Variants in UGT1A8 observed in about 807,000 individuals in gnomAD.
UGT1A8 encodes the protein UDP-glucuronosyltransferase 1A8.
In UGT1A8, 39 loss-of-function variants were observed where a neutral mutation model predicts 45.3. The observed-to-expected ratio is 0.86, with a 90% CI of 0.67 to 1.12. The LOEUF is 1.12. UGT1A8 is among the 50% of genes most tolerant of loss of function. The pLI is 0.00. For missense variants in UGT1A8, 719 were observed against 664.9 expected (o/e 1.08, Z -0.90); for synonymous variants, 275 against 249.2 (o/e 1.10, Z -0.97).
At chr2:233,636,895 A>G (rs1281770276) in intron 1 of UGT1A8, 7 of 1,614,044 alleles carry the variant, frequency 4.3e-6, no homozygotes, top group African/African-American at 1.3e-5. Context: ...TTCGCATTGC[A>G]GGAGTTTGTT....
intron 1 of UGT1A8, among the ~76,000 whole-genome samples, chr2:233,697,309 ATTGT>A (rs1228045255): frequency 2.0e-5 from 3 of 151,956 alleles, no homozygotes; most frequent in Admixed American, 6.6e-5. Context: ...ATCTTGGTAG[ATTGT>A]TTGTGTTTGG....
intron 1 of UGT1A8, chr2:233,681,781 T>C (rs1344612316): frequency 1.1e-6 from 1 of 931,366 alleles, no homozygotes. Flanking sequence ...TCATGTATTA[T>C]TATGAGTAAA....
At chr2:233,764,775 G>T (rs1470259138) in intron 1 of UGT1A8, among the ~76,000 whole-genome samples, 1 of 152,162 alleles carries the variant, frequency 6.6e-6, no homozygotes, top group Non-Finnish European at 1.5e-5. Flanking sequence ...AAGGAGTTCA[G>T]AAAAACCATC....
chr2:233,712,280 C>T (rs1176719433), intron 1 of UGT1A8, among the ~76,000 whole-genome samples: 1 of 152,208 alleles, frequency 6.6e-6, no homozygotes, highest in African/African-American at 2.4e-5. Context: ...ACAGCAGCAC[C>T]TCTTCTTCCA....
intron 4 of UGT1A8, among the ~76,000 whole-genome samples, chr2:233,768,711 T>G (rs2126041058): frequency 6.6e-6 from 1 of 151,246 alleles, no homozygotes; most frequent in South Asian, 2.1e-4. Flanking sequence ...AGCCTCCGTG[T>G]AGCTGGGATT....
chr2:233,682,697 C>G lies in UGT1A8; in HGVS notation c.855+64135C>G, dbSNP rs201879946. ...CAGCCACACATCAATTTGGTTGTTG[C>G]GAACTGACTTTGTTTTGGAGTATCC... On this transcript the variant is annotated intron_variant, in intron 1 of 4. Transcript: ENST00000373450. 3 of 1,613,832 alleles carry G rather than the reference C, an allele frequency of 1.9e-6. No homozygotes were observed. In the South Asian group the frequency reaches 3.3e-5, roughly 18 times the overall value.
intron 1 of UGT1A8, among the ~76,000 whole-genome samples, chr2:233,735,584 T>C (rs2078671129): frequency 6.6e-6 from 1 of 152,234 alleles, no homozygotes; most frequent in Admixed American, 6.5e-5. Context: ...GCCCGTTAAT[T>C]GATGCAGTTT....
intron 1 of UGT1A8, among the ~76,000 whole-genome samples, chr2:233,652,019 G>A (rs530712220): frequency 6.6e-6 from 1 of 152,184 alleles, no homozygotes; most frequent in Non-Finnish European, 1.5e-5. Context: ...TCACTGCCAG[G>A]CTTTTTTAGT....
At chr2:233,685,907 C>T (rs973279226) in intron 1 of UGT1A8, among the ~76,000 whole-genome samples, 1 of 152,152 alleles carries the variant, frequency 6.6e-6, no homozygotes, top group Non-Finnish European at 1.5e-5. Context: ...CATTTTCAAT[C>T]CATCATTAAA....
rs765390164 is a variant in UGT1A8 at position 233,768,290 on chromosome 2, C to T, written c.1146C>T (p.Gly382=). ...SHGVYESICN[G]VPMVMMPLFG... is the part of the protein sequence containing the mutation. Reference sequence around the variant, plus strand: ...GTGTTTATGAAAGCATATGCAATGGCGTTCCCATGGTGATGATGCCCTTGT... The same window carrying T: ...GTGTTTATGAAAGCATATGCAATGGTGTTCCCATGGTGATGATGCCCTTGT... Residue 382 remains glycine, a synonymous_variant, in exon 4 of 5, where the codon GGC becomes GGT. Coordinates refer to ENST00000373450, the MANE Select transcript of UGT1A8 (RefSeq NM_019076.5). The T allele has an allele frequency of 5.0e-6, 8 of 1,614,064 alleles. No individual in the cohort carries two copies. Among genetic ancestry groups the T allele is most frequent in the African/African-American group, 2.7e-5 (2 of 74,922 alleles).
chr2:233,650,875 G>A (rs1421738344), intron 1 of UGT1A8, among the ~76,000 whole-genome samples: 1 of 152,108 alleles, frequency 6.6e-6, no homozygotes, highest in Non-Finnish European at 1.5e-5. Flanking sequence ...TTCATGAATT[G>A]TTTGATGATC....
intron 1 of UGT1A8, among the ~76,000 whole-genome samples, chr2:233,649,662 A>G (rs1004218656): frequency 6.6e-6 from 1 of 152,164 alleles, no homozygotes; most frequent in African/African-American, 2.4e-5. Context: ...TTTACTTTGG[A>G]TGCAACATAG....
rs45535938 is a variant in UGT1A8, at chr2:233,693,109, C to T, written c.856-73925C>T. ...ACAAGCTGCTGGTGGTCCCTCAGGA[C>T]GGAAGCCACTGGCTTAGTATGAAGG... On this transcript the variant is annotated intron_variant, in intron 1 of 4. Coordinates refer to ENST00000373450, the MANE Select transcript of UGT1A8 (RefSeq NM_019076.5). 1.9e-3 allele frequency: 3,145 copies of T among 1,614,076 alleles called. 71 individuals are homozygous for T. The East Asian group carries it at 0.05, about 26-fold the overall frequency.
At chr2:233,760,382 T>G (rs1697426202) in intron 1 of UGT1A8, 1 of 1,614,082 alleles carries the variant, frequency 6.2e-7, no homozygotes, top group African/African-American at 1.3e-5. Context: ...AAGATACTGT[T>G]GATCCCAGTG....
intron 1 of UGT1A8, chr2:233,691,800 T>G (rs1028258003): frequency 9.0e-5 from 20 of 221,568 alleles, no homozygotes; most frequent in Admixed American, 2.6e-4. Context: ...CTTATACTTC[T>G]CAAATCTTAA....
chr2:233,745,474 T>C (rs1693117475), intron 1 of UGT1A8, among the ~76,000 whole-genome samples: 1 of 151,746 alleles, frequency 6.6e-6, no homozygotes, highest in African/African-American at 2.4e-5. Context: ...GGGAAAATGA[T>C]TAACCAAAGA....
intron 1 of UGT1A8, among the ~76,000 whole-genome samples, chr2:233,666,645 T>A (rs2074081373): frequency 6.6e-6 from 1 of 152,194 alleles, no homozygotes. Flanking sequence ...TTTATTTTTT[T>A]ATTTTTATTT....
intron 1 of UGT1A8, among the ~76,000 whole-genome samples, chr2:233,669,928 G>A (rs569212436): frequency 2.0e-5 from 3 of 152,074 alleles, no homozygotes; most frequent in African/African-American, 4.8e-5. Flanking sequence ...CCCGTGATAC[G>A]CCCACCTTGA....
chr2:233,677,738 A>G (rs1290353170), intron 1 of UGT1A8, among the ~76,000 whole-genome samples: 1 of 152,184 alleles, frequency 6.6e-6, no homozygotes, highest in Non-Finnish European at 1.5e-5. Context: ...GGGAATGCAA[A>G]TTAGTTCATC....
Sources: allele counts gnomAD v4.1 joint callset (sites outside exome capture counted in the v4.1 genomes callset), GRCh38; gene constraint gnomAD v4.1.1; transcripts MANE v1.5; gene names NCBI Gene and HGNC (gene_info 2026-07-23, HGNC 2026-07-21).